Variants in GREB1 observed in about 807,000 individuals in gnomAD.
GREB1 encodes protein GREB1.
A neutral mutation model predicts 200.7 loss-of-function variants in GREB1; 106 were observed. The observed-to-expected ratio is 0.53, with a 90% CI of 0.45 to 0.62. GREB1 has a LOEUF of 0.62. GREB1 is among the 20% of genes least tolerant of loss of function. The pLI is 0.00. For missense variants in GREB1, 2,243 were observed against 2,556.8 expected, an observed-to-expected ratio of 0.88 and a Z score of 2.65; for synonymous variants, 1,132 against 1,092.4, an observed-to-expected ratio of 1.04 and a Z score of -0.72.
At position 11,607,562 on chromosome 2, in the gene GREB1, ATACG is replaced by A. The variant is rs1185118065; in HGVS notation, c.2667-3125_2667-3122del. ...TATACATATATGTACATACATATAT[ATACG>A]CATATATACACATATATACATATAT... On this transcript the variant is annotated intron_variant, in intron 17 of 32. Transcript: ENST00000381486. Among the ~76,000 whole-genome samples the A allele has an allele frequency of 6.2e-3, 844 of 136,228 alleles. 16 individuals are homozygous for A. Among genetic ancestry groups the A allele is most frequent in the African/African-American group, 0.023 (800 of 34,566 alleles). The allele number at this position is 136,228 out of a possible 152,430, so 89.4% of individuals were successfully genotyped here. A position where few individuals can be genotyped will look rare whatever the true frequency, so the allele number is the denominator to read the frequency against.
At position 11,593,019 on chromosome 2, in the gene GREB1, C is replaced by T; in HGVS notation, c.1589C>T (p.Ser530Phe). ...ECAYSLAEGLSEMFRLLVEGK... is the reference protein window; with the variant it reads ...ECAYSLAEGLFEMFRLLVEGK... ...GCTTACTCCCTGGCCGAGGGCCTCT[C>T]CGAGATGTTCCGGCTGTTGGTCGAG... Residue 530 changes from serine to phenylalanine, a missense_variant, in exon 11 of 33, where the codon TCC (serine) becomes TTC (phenylalanine). Transcript: ENST00000381486. 1 of 1,613,146 alleles carries T rather than the reference C, an allele frequency of 6.2e-7. No homozygotes were observed. Among genetic ancestry groups the T allele is most frequent in the Non-Finnish European group, 8.5e-7 (1 of 1,179,712 alleles).
At chr2:11,574,285 A>C (rs1191324808) in intron 4 of GREB1, among the ~76,000 whole-genome samples, 1 of 152,244 alleles carries the variant, frequency 6.6e-6, no homozygotes, top group Non-Finnish European at 1.5e-5. Context: ...GCGAGCTTAG[A>C]GGAATAATGA....
rs1681345368 is a variant in GREB1, at chr2:11,597,137, G to A, written c.1955-644G>A. Among the ~76,000 whole-genome samples, 1 of 151,974 alleles carries A rather than the reference G, an allele frequency of 6.6e-6. No individual in the cohort carries two copies. Among genetic ancestry groups the A allele is most frequent in the Admixed American group, 6.5e-5 (1 of 15,268 alleles). On this transcript the variant is annotated intron_variant, in intron 13 of 32. Transcript: ENST00000381486. The surrounding 1 kb of genome is among the most constrained non-coding windows in gnomAD (Gnocchi z 4.1). ...GCTCGGTGGGCGATGAGAGGGCACT[G>A]GCGAGGGCCTCGGTCTGGCCTGGGA...
In GREB1 at chr2:11,631,993, G is replaced by C; in HGVS notation, c.4696G>C (p.Asp1566His). 1 of 1,614,042 alleles carries C rather than the reference G, an allele frequency of 6.2e-7. No homozygotes were observed. Among genetic ancestry groups the C allele is most frequent in the Non-Finnish European group, 8.5e-7 (1 of 1,179,934 alleles). ...GCTCTTTAATCTGTACCACGCAATGGACGGTGCCAGCCATTTGCACGTGCT... is the reference window on the plus strand; with the variant it reads ...GCTCTTTAATCTGTACCACGCAATGCACGGTGCCAGCCATTTGCACGTGCT... ...HGLFNLYHAM[D>H]GASHLHVLVV... The change falls in exon 27 of 33, where the codon GAC becomes CAC. Residue 1566 changes from aspartate to histidine, a missense_variant. By Grantham distance (81) the Asp-to-His change is moderately conservative (BLOSUM62 -1). Transcript: ENST00000381486.
chr2:11,634,145 C>A lies in GREB1; in HGVS notation c.5006C>A (p.Ser1669Ter). 1 of 1,614,124 alleles carries A rather than the reference C, an allele frequency of 6.2e-7. No homozygotes were observed. The highest frequency in any genetic ancestry group is 8.5e-7 in the Non-Finnish European group (1 of 1,180,000). ...AGERSREFSW[S>*]ERNVSLKHIM... ...CCTTGGAGCAGGGAGTTCTCCTGGT[C>A]GGAAAGGAACGTGTCTTTGAAGCAC... The change falls in exon 29 of 33, where the codon TCG becomes TAG. Residue 1669 changes from serine (S) to a stop codon, truncating the protein, a stop_gained. Coordinates refer to ENST00000381486, the MANE Select transcript of GREB1 (RefSeq NM_014668.4). LOFTEE classifies it high-confidence loss of function.
chr2:11,637,787 C>T lies in GREB1; in HGVS notation c.5418C>T (p.Leu1806=), dbSNP rs762293225. The part of the protein sequence containing the change: ...ICAPDSKHTF[L]AAPAQLLLEK... ...CCCCGGACAGCAAGCACACGTTCCTCGCAGCGCCCGCCCAGCTCCTGCTGG... is the reference window on the plus strand; with the variant it reads ...CCCCGGACAGCAAGCACACGTTCCTTGCAGCGCCCGCCCAGCTCCTGCTGG... The change falls in exon 31 of 33, where the codon CTC becomes CTT. Residue 1806 remains leucine (L), a synonymous_variant. Transcript: ENST00000381486. The T allele has an allele frequency of 6.2e-6, 10 of 1,614,008 alleles. No individual in the cohort carries two copies. Among genetic ancestry groups the T allele is most frequent in the East Asian group, 4.5e-5 (2 of 44,892 alleles).
chr2:11,593,182 C>T, intron 11 of GREB1, 56 bp downstream of exon 11: 2 of 1,235,442 alleles, frequency 1.6e-6, no homozygotes, highest in Admixed American at 2.5e-5. Flanking sequence ...TTCCCGGTCC[C>T]CTCCTTTGGT....
intron 15 of GREB1, 136 bp downstream of exon 15, chr2:11,598,996 A>G (rs1382748392): frequency 2.7e-6 from 2 of 733,458 alleles, no homozygotes; most frequent in East Asian, 2.5e-5. Context: ...AGCAGATGCC[A>G]TGGAGGTTTC....
At chr2:11,523,661 TGATTCAAATGAAAACCAGAAA>T (rs1287031824) in intron 1 of GREB1, among the ~76,000 whole-genome samples, 1 of 152,172 alleles carries the variant, frequency 6.6e-6, no homozygotes, top group African/African-American at 2.4e-5. Context: ...CTTAATGTTG[TGATTCAAATGAAAACCAGAAA>T]GACGGGAGGA....
intron 17 of GREB1, among the ~76,000 whole-genome samples, chr2:11,605,503 C>T (rs954148097): frequency 2.0e-5 from 3 of 152,088 alleles, no homozygotes; most frequent in African/African-American, 7.2e-5. Context: ...GGATTACAGG[C>T]GTGAGCCACC....
At position 11,598,815 on chromosome 2, in the gene GREB1, C is replaced by T. The variant is rs1681498424; in HGVS notation, c.2288C>T (p.Thr763Ile). The change falls in exon 15 of 33, where the codon ACA (threonine) becomes ATA (isoleucine). Residue 763 changes from threonine (T) to isoleucine (I), a missense_variant. Physicochemically the swap from Thr to Ile is moderately conservative, Grantham distance 89. Coordinates refer to ENST00000381486, the MANE Select transcript of GREB1 (RefSeq NM_014668.4). Reference sequence around the variant, plus strand: ...CAAAACTCCTTCCAGAACCCGCATACACTTTTTGTCCTAATCCATGACCAT... The same window carrying T: ...CAAAACTCCTTCCAGAACCCGCATATACTTTTTGTCCTAATCCATGACCAT... ...FLQNSFQNPH[T>I]LFVLIHDHAH... The T allele has an allele frequency of 1.9e-6, 3 of 1,614,076 alleles. No homozygotes were observed. The highest frequency in any genetic ancestry group is 2.5e-6 in the Non-Finnish European group (3 of 1,180,024).
intron 1 of GREB1, among the ~76,000 whole-genome samples, chr2:11,544,810 GGTTT>G (rs1310391957): frequency 6.6e-6 from 1 of 151,976 alleles, no homozygotes; most frequent in African/African-American, 2.4e-5. Context: ...AATGCTCTTG[GGTTT>G]GTTTGTGTTT....
chr2:11,523,355 C>T (rs938976537), intron 1 of GREB1, among the ~76,000 whole-genome samples: 2 of 152,036 alleles, frequency 1.3e-5, no homozygotes, highest in African/African-American at 4.8e-5. Context: ...GTATAACAAA[C>T]CTGCACACGC....
intron 18 of GREB1, 44 bp downstream of exon 18, chr2:11,611,071 T>C (rs1356179737): frequency 2.8e-6 from 4 of 1,452,106 alleles, no homozygotes; most frequent in Non-Finnish European, 3.7e-6. Context: ...TGGGGGTACC[T>C]GGGAGAGCTG....
At chr2:11,638,874 G>A in intron 32 of GREB1, 65 bp downstream of exon 32, 4 of 1,538,184 alleles carry the variant, frequency 2.6e-6, no homozygotes, top group Non-Finnish European at 3.6e-6. Context: ...GTACCCTGAG[G>A]AGGGGACCTT....
chr2:11,523,183 A>G (rs1052796710), intron 1 of GREB1, among the ~76,000 whole-genome samples: 1 of 152,134 alleles, frequency 6.6e-6, no homozygotes, highest in East Asian at 1.9e-4. Flanking sequence ...AATGATGAGA[A>G]CCAATGGACA....
chr2:11,550,960 T>G (rs1415662507), intron 1 of GREB1, among the ~76,000 whole-genome samples: 1 of 152,208 alleles, frequency 6.6e-6, no homozygotes, highest in African/African-American at 2.4e-5. Context: ...CCTGCACTTA[T>G]TCTAGTTGAA....
At chr2:11,635,020 CT>C (rs780841191) in intron 29 of GREB1, among the ~76,000 whole-genome samples, 3 of 152,214 alleles carry the variant, frequency 2.0e-5, no homozygotes, top group African/African-American at 4.8e-5. Context: ...ACGGGCAGTG[CT>C]TTTGTGGTTT....
intron 21 of GREB1, among the ~76,000 whole-genome samples, chr2:11,617,773 C>T (rs550620448): frequency 1.0e-3 from 155 of 152,244 alleles, no homozygotes; most frequent in African/African-American, 3.5e-3. Flanking sequence ...GCTGAGAGTC[C>T]CTGCTGTTTG....
Sources: gnomAD v4.1 joint callset for allele counts (sites outside exome capture counted in the v4.1 genomes callset) on GRCh38, gnomAD v4.1.1 for gene constraint, Gnocchi (gnomAD v3.1) non-coding constraint, MANE v1.5 for transcripts, NCBI Gene and HGNC (gene_info 2026-07-23, HGNC 2026-07-21) for gene names.